The following PPM1G variants were observed in gnomAD, a reference collection of about 807,000 sequenced individuals.
PPM1G encodes the protein protein phosphatase 1G.
Under a neutral mutation model 59.4 loss-of-function variants are expected in PPM1G, and 12 were observed. That is an observed-to-expected ratio of 0.20 (90% CI 0.13 to 0.33). The LOEUF is 0.33. Ranked by LOEUF, PPM1G falls within the 10% of genes least tolerant of loss-of-function variation. The probability of loss-of-function intolerance (pLI) is 1.00; values close to 1 mark genes in which losing one functional copy is unlikely to be tolerated. For missense variants in PPM1G, 392 were observed against 681.3 expected (o/e 0.58, Z 4.73); for synonymous variants, 245 against 251.9 (o/e 0.97, Z 0.26).
Position 27,409,398 on chromosome 2 carries a change from T to G in PPM1G, c.25A>C (p.Asn9His). The G allele has an allele frequency of 6.5e-7, 1 of 1,537,422 alleles. No individual in the cohort carries two copies. The highest frequency in any genetic ancestry group is 8.8e-7 in the Non-Finnish European group (1 of 1,141,572). Residue 9 changes from asparagine (N) to histidine (H), a missense_variant, in exon 1 of 10, where the codon AAC becomes CAC. Physicochemically the swap from Asn to His is moderately conservative, Grantham distance 68. Transcript: ENST00000344034. ...CCGTCCCCGGAGCACTTCACCGTGTTGGGCTGGGAGAGGTAGGCACCCATG... is the reference window on the plus strand; with the variant it reads ...CCGTCCCCGGAGCACTTCACCGTGTGGGGCTGGGAGAGGTAGGCACCCATG... The part of the protein sequence containing the change: MGAYLSQP[N>H]TVKCSGDGVG...
chr2:27,407,790 T>A (rs1193698130), intron 1 of PPM1G, among the ~76,000 whole-genome samples: 1 of 152,120 alleles, frequency 6.6e-6, no homozygotes, highest in East Asian at 1.9e-4. Flanking sequence ...GGTTCATGCC[T>A]GTAATCCTAG....
chr2:27,382,392 G>C lies in PPM1G; in HGVS notation c.1331+84C>G. The stretch of plus-strand genomic sequence containing the variant: ...CACCAAGAGGCCTAGGTCTGCCTAG[G>C]CTCTAATCCTAGAGGTGCCCTGAGT... On this transcript the variant is annotated intron_variant, in intron 8 of 9. Transcript: ENST00000344034. The surrounding 1 kb of genome is among the most constrained non-coding windows in gnomAD (Gnocchi z 4.2). The C allele has an allele frequency of 3.8e-6, 6 of 1,590,748 alleles. No homozygotes were observed. Among genetic ancestry groups the C allele is most frequent in the Non-Finnish European group, 5.1e-6 (6 of 1,167,290 alleles).
At chr2:27,386,131 A>G in intron 3 of PPM1G, 63 bp downstream of exon 3, 1 of 1,458,318 alleles carries the variant, frequency 6.9e-7, no homozygotes, top group Admixed American at 1.7e-5. Flanking sequence ...GGAAAAGCCC[A>G]AGGGCTAGAG....
rs1485267863 is a variant in PPM1G, at chr2:27,384,820, T to A, written c.678A>T (p.Gln226His). ...CAGTGGGAATGCCAGGCTCACCAAC[T>A]TGGCCTGCCTCAGTCCCACGTTCCG... is the stretch of plus-strand genomic sequence containing the variant. ...SNSERGTEAG[Q>H]VGEPGIPTGE... Residue 226 changes from glutamine (Q) to histidine (H), a missense_variant, in exon 5 of 10, where the codon CAA becomes CAT. Transcript: ENST00000344034. This position sits in a 1 kb window ranked among gnomAD's most constrained non-coding sequence, Gnocchi z 4.8. 1 of 1,614,082 alleles carries A rather than the reference T, an allele frequency of 6.2e-7. No individual in the cohort carries two copies. The highest frequency in any genetic ancestry group is 8.5e-7 in the Non-Finnish European group (1 of 1,180,042).
chr2:27,382,452 T>A lies in PPM1G; in HGVS notation c.1331+24A>T, dbSNP rs1164587558. ...GAAGACATGCTGCAGAAAGGGGAAT[T>A]TAGGGCATTCTGCCAGTGCTCACCA... On this transcript the variant is annotated intron_variant, in intron 8 of 9. Coordinates refer to ENST00000344034, the MANE Select transcript of PPM1G (RefSeq NM_177983.3). The surrounding 1 kb of genome is among the most constrained non-coding windows in gnomAD (Gnocchi z 4.2). 6.2e-7 allele frequency: 1 copy of A among 1,613,346 alleles called. No individual in the cohort carries two copies. The highest frequency in any genetic ancestry group is 2.2e-5 in the East Asian group (1 of 44,874).
chr2:27,392,935 A>G (rs1206595312), intron 1 of PPM1G: 5 of 1,438,022 alleles, frequency 3.5e-6, no homozygotes, highest in South Asian at 1.1e-5. Flanking sequence ...ATGTGTCTCA[A>G]TGAAGTCACA....
intron 1 of PPM1G, among the ~76,000 whole-genome samples, chr2:27,404,320 G>A (rs1179264531): frequency 6.6e-6 from 1 of 152,026 alleles, no homozygotes; most frequent in Non-Finnish European, 1.5e-5. Flanking sequence ...GGCCGAGGCA[G>A]GTGGATCACA....
Position 27,381,721 on chromosome 2 carries a change from G to A in PPM1G, c.1519C>T (p.Pro507Ser). The change falls in exon 10 of 10, where the codon CCC becomes TCC. Residue 507 changes from proline to serine, a missense_variant. By Grantham distance (74) the Pro-to-Ser change is moderately conservative. This residue lies in a region of PPM1G where 5 missense variants were observed against 28.8 expected (regional missense o/e 0.17). Coordinates refer to ENST00000344034, the MANE Select transcript of PPM1G (RefSeq NM_177983.3). The part of the protein sequence containing the change: ...NMTCIIICFK[P>S]RNTAELQPES... ...GGCTGGAGCTCTGCTGTGTTTCGGG[G>A]CTTGAAGCAAATGATGATGCAGGTC... 1.2e-6 allele frequency: 2 copies of A among 1,613,884 alleles called. No homozygotes were observed. Among genetic ancestry groups the A allele is most frequent in the African/African-American group, 1.3e-5 (1 of 74,964 alleles).
Position 27,382,550 on chromosome 2 carries a change from TG to T in PPM1G, c.1256del (p.Ser419Ter). The part of the protein sequence containing the change: ...KNLPPEEQMI[S>X]ALPDIKVLTL... Reference sequence around the variant, plus strand: ...TCAGCACCTTGATGTCAGGAAGGGCTGAAATCATCTGTTCCTCAGGTGGCAG... The same window carrying T: ...TCAGCACCTTGATGTCAGGAAGGGCTAAATCATCTGTTCCTCAGGTGGCAG... On this transcript the variant is annotated frameshift_variant, in exon 8 of 10. Coordinates refer to ENST00000344034, the MANE Select transcript of PPM1G (RefSeq NM_177983.3). LOFTEE classifies it high-confidence loss of function. The surrounding 1 kb of genome is among the most constrained non-coding windows in gnomAD (Gnocchi z 4.2). The T allele has an allele frequency of 6.2e-7, 1 of 1,614,276 alleles. No individual in the cohort carries two copies.
chr2:27,384,870 C>A lies in PPM1G; in HGVS notation c.628G>T (p.Ala210Ser), dbSNP rs779237800. 1.2e-6 allele frequency: 2 copies of A among 1,614,028 alleles called. No individual in the cohort carries two copies. Among genetic ancestry groups the A allele is most frequent in the African/African-American group, 2.7e-5 (2 of 74,912 alleles). The change falls in exon 5 of 10, where the codon GCC becomes TCC. Residue 210 changes from alanine (A) to serine (S), a missense_variant. This residue lies in a region of PPM1G where 188 missense variants were observed against 248.8 expected (regional missense o/e 0.76). Coordinates refer to ENST00000344034, the MANE Select transcript of PPM1G (RefSeq NM_177983.3). The surrounding 1 kb of genome is among the most constrained non-coding windows in gnomAD (Gnocchi z 4.8). ...GAGTTGGAGGAAAAGCCTGTGTAGG[C>A]CTTGGCTGTGGGGCCATTTTCTTGT... ...PSQENGPTAK[A>S]YTGFSSNSER...
At position 27,399,146 on chromosome 2, in the gene PPM1G, A is replaced by AAACAACAACAACAAC. The variant is rs142026887; in HGVS notation, c.120+10142_120+10156dup. 7.8e-3 allele frequency among the ~76,000 whole-genome samples: 1,168 copies of AAACAACAACAACAAC among 150,460 alleles called. 16 individuals carry two copies. The highest frequency in any genetic ancestry group is 0.023 in the African/African-American group (957 of 40,752). ...TCAGAGCAAGACTGTCCCCCGACCA[A>AAACAACAACAACAAC]AACAACAACAACAACAACAACAACA... On this transcript the variant is annotated intron_variant, in intron 1 of 9. Transcript: ENST00000344034.
rs886996683 is a variant in PPM1G, at chr2:27,387,507, C to CT, written c.121-350dup. Among the ~76,000 whole-genome samples, 106 of 147,110 alleles carry CT rather than the reference C, an allele frequency of 7.2e-4. 1 individual carries two copies. Among genetic ancestry groups the CT allele is most frequent in the East Asian group, 9.8e-4 (5 of 5,088 alleles). ...AAACCAGAATAAAGGATTTTTTCTT[C>CT]TTTTTTTTTTTGAGACAGAGTCTCG... On this transcript the variant is annotated intron_variant, in intron 1 of 9. Transcript: ENST00000344034.
At chr2:27,408,224 G>C (rs1663426566) in intron 1 of PPM1G, among the ~76,000 whole-genome samples, 1 of 152,208 alleles carries the variant, frequency 6.6e-6, no homozygotes, top group African/African-American at 2.4e-5. Context: ...ACAGGGAGGA[G>C]CGAGGGATCT....
At chr2:27,392,743 A>C in intron 1 of PPM1G, 1 of 1,171,652 alleles carries the variant, frequency 8.5e-7, no homozygotes, top group East Asian at 2.3e-5. Context: ...CTTGGTGACA[A>C]GGTAAGTCAC....
chr2:27,400,272 G>A (rs1684152012), intron 1 of PPM1G, among the ~76,000 whole-genome samples: 1 of 151,886 alleles, frequency 6.6e-6, no homozygotes, highest in Non-Finnish European at 1.5e-5. Context: ...TGTGATGGTG[G>A]GTACCTGTAG....
At position 27,382,822 on chromosome 2, in the gene PPM1G, C is replaced by CT. The variant is rs1218887795; in HGVS notation, c.1202-218dup. Among the ~76,000 whole-genome samples, 254 of 132,634 alleles carry CT rather than the reference C, an allele frequency of 1.9e-3. 1 individual carries two copies. The highest frequency in any genetic ancestry group is 7.5e-3 in the African/African-American group (233 of 31,000). 87.0% of individuals were successfully genotyped at this position (132,634 alleles called of 152,430 possible). A position where few individuals can be genotyped will look rare whatever the true frequency, so the allele number is the denominator to read the frequency against. Reference sequence around the variant, plus strand: ...ACTCACTGGTCTTTTTATTTTAAGTCTTTTTTGTTTTTTTTTTTTTGAGAC... The same window carrying CT: ...ACTCACTGGTCTTTTTATTTTAAGTCTTTTTTTGTTTTTTTTTTTTTGAGAC... On this transcript the variant is annotated intron_variant, in intron 7 of 9. Coordinates refer to ENST00000344034, the MANE Select transcript of PPM1G (RefSeq NM_177983.3). This position sits in a 1 kb window ranked among gnomAD's most constrained non-coding sequence, Gnocchi z 4.2.
intron 1 of PPM1G, among the ~76,000 whole-genome samples, chr2:27,406,742 G>A (rs1343367264): frequency 7.9e-5 from 12 of 152,014 alleles, no homozygotes; most frequent in Admixed American, 7.9e-4. Context: ...AACTCAATCC[G>A]TAAGTAAAAG....
intron 1 of PPM1G, among the ~76,000 whole-genome samples, chr2:27,396,111 A>C (rs1431234944): frequency 6.6e-6 from 1 of 152,080 alleles, no homozygotes; most frequent in African/African-American, 2.4e-5. Flanking sequence ...TCTCTACCTA[A>C]AAATACAAAA....
In PPM1G at chr2:27,382,698, T is replaced by C; in HGVS notation, c.1202-93A>G. 2.7e-6 allele frequency: 4 copies of C among 1,504,526 alleles called. No homozygotes were observed. The South Asian group carries it at 4.8e-5, about 18-fold the overall frequency. 93.2% of individuals were successfully genotyped at this position (1,504,526 alleles called of 1,614,324 possible). A position where few individuals can be genotyped will look rare whatever the true frequency, so the allele number is the denominator to read the frequency against. ...AACCTTGCCATTCATTTCCCTTCTT[T>C]ACAAAGTTCCATAATCTAGTGGAAT... On this transcript the variant is annotated intron_variant, in intron 7 of 9. Transcript: ENST00000344034. The surrounding 1 kb of genome is among the most constrained non-coding windows in gnomAD (Gnocchi z 4.2).
Sources: gnomAD v4.1 joint callset for allele counts (sites outside exome capture counted in the v4.1 genomes callset) on GRCh38, gnomAD v4.1.1 for gene constraint, gnomAD v4.1.1 regional missense constraint, Gnocchi (gnomAD v3.1) non-coding constraint, MANE v1.5 for transcripts, NCBI Gene and HGNC (gene_info 2026-07-23, HGNC 2026-07-21) for gene names.